ZFHX3: variants seen among roughly 807,000 people sequenced by gnomAD.
The protein encoded by ZFHX3 is zinc finger homeobox protein 3.
ZFHX3 carries 42 observed loss-of-function variants against 279.1 expected under a neutral mutation model. The ratio of observed to expected loss-of-function variants is 0.15; its 90% confidence interval spans 0.12 to 0.19. The LOEUF is 0.19. Ranked by LOEUF, ZFHX3 falls within the 10% of genes least tolerant of loss-of-function variation. ZFHX3 has a pLI of 1.00. For missense variants in ZFHX3, 4,981 were observed against 4,754.0 expected, an observed-to-expected ratio of 1.05 and a Z score of -1.40; for synonymous variants, 2,293 against 1,957.8, an observed-to-expected ratio of 1.17 and a Z score of -4.52.
chr16:73,728,812 T>TACACACAC (rs3049676), intron 1 of ZFHX3, among the ~76,000 whole-genome samples: 50 of 146,040 alleles, frequency 3.4e-4, no homozygotes, highest in African/African-American at 1.2e-3. Flanking sequence ...AATAACCCCC[T>TACACACAC]ACACACACAC....
chr16:72,976,051 A>T (rs557551736), intron 1 of ZFHX3, among the ~76,000 whole-genome samples: 3 of 152,306 alleles, frequency 2.0e-5, no homozygotes, highest in Admixed American at 6.5e-5. Context: ...AATGTGATCA[A>T]TGTAGATCAA....
rs551095801 is a variant in ZFHX3 at position 73,441,234 on chromosome 16, C to T, written c.-1291+14769G>A. On this transcript the variant is annotated intron_variant, in intron 3 of 17. Transcript: ENST00000641206. ...CCACTGCTTACAAATGGACTATGAG[C>T]CCCTTAGAGAGAGGGAGAGAGAGAT... Among the ~76,000 whole-genome samples the T allele has an allele frequency of 2.4e-4, 37 of 152,012 alleles. 1 individual carries two copies. The South Asian group carries it at 6.3e-3, about 26-fold the overall frequency.
At chr16:73,010,240 C>G (rs1010905325) in intron 1 of ZFHX3, among the ~76,000 whole-genome samples, 1 of 152,068 alleles carries the variant, frequency 6.6e-6, no homozygotes, top group Admixed American at 6.6e-5. Context: ...CACAGAATGC[C>G]CAGCTGTGGG....
chr16:72,817,521 G>T (rs921104404), intron 5 of ZFHX3, among the ~76,000 whole-genome samples: 15 of 152,218 alleles, frequency 9.9e-5, no homozygotes, highest in African/African-American at 3.6e-4. Flanking sequence ...CAACATACTG[G>T]TAGAATTAGT....
At chr16:72,919,777 CTTTTTTTT>C (rs532405250) in intron 3 of ZFHX3, among the ~76,000 whole-genome samples, 81 of 42,266 alleles carry the variant, frequency 1.9e-3, no homozygotes, top group East Asian at 0.014. Flanking sequence ...TATGCACCAT[CTTTTTTTT>C]TTTTTTTTTT....
intron 5 of ZFHX3, among the ~76,000 whole-genome samples, chr16:73,178,548 C>T (rs1967717755): frequency 6.6e-6 from 1 of 152,190 alleles, no homozygotes; most frequent in Non-Finnish European, 1.5e-5. Flanking sequence ...TTGTCTATGG[C>T]ATGATTCCCC....
At chr16:72,801,135 T>A (rs550584713) in intron 7 of ZFHX3, among the ~76,000 whole-genome samples, 1 of 152,294 alleles carries the variant, frequency 6.6e-6, no homozygotes, top group African/African-American at 2.4e-5. Flanking sequence ...TAGGTGGCGA[T>A]GATATTTCAA....
intron 2 of ZFHX3, among the ~76,000 whole-genome samples, chr16:73,469,905 T>G (rs1426271795): frequency 1.3e-5 from 2 of 152,142 alleles, no homozygotes; most frequent in East Asian, 3.9e-4. Flanking sequence ...CATAAGCCAC[T>G]GTGCCCAGCC....
chr16:72,787,030 CTTTTT>C lies in ZFHX3; in HGVS notation c.*129_*133del, dbSNP rs949021905. 40 of 967,808 alleles carry C rather than the reference CTTTTT, an allele frequency of 4.1e-5. No homozygotes were observed. The highest frequency in any genetic ancestry group is 4.6e-5 in the Non-Finnish European group (35 of 763,888). The allele number at this position is 967,808 out of a possible 1,614,324, so 60.0% of individuals were successfully genotyped here. On this transcript the variant is annotated 3_prime_UTR_variant, in exon 10 of 10. Transcript: ENST00000268489. ...TATGGGAAAACAACCCACGCTTTTT[CTTTTT>C]TTTCTTTTTTTTTTTTTTTTTGTTT...
intron 7 of ZFHX3, among the ~76,000 whole-genome samples, chr16:73,094,866 T>A (rs1029111180): frequency 6.6e-6 from 1 of 152,062 alleles, no homozygotes; most frequent in Admixed American, 6.6e-5. Context: ...TACACCGTCA[T>A]GTCCGGCTAA....
In ZFHX3 at chr16:73,635,953, C is replaced by A. The variant is rs143180309; in HGVS notation, c.-1547+44227G>T. The stretch of plus-strand genomic sequence containing the variant: ...TTCAGGCCTTAGTGTGTATGGCACA[C>A]AATCTGTTGTTGATAGGGTTAGTCA... On this transcript the variant is annotated intron_variant, in intron 2 of 17. Transcript: ENST00000641206. Among the ~76,000 whole-genome samples the A allele has an allele frequency of 2.1e-3, 322 of 152,288 alleles. 1 individual carries two copies. Among genetic ancestry groups the A allele is most frequent in the Non-Finnish European group, 3.4e-3 (234 of 68,030 alleles).
chr16:73,787,849 G>A (rs1274541112), intron 1 of ZFHX3, among the ~76,000 whole-genome samples: 22 of 149,650 alleles, frequency 1.5e-4, no homozygotes, highest in African/African-American at 5.3e-4. Flanking sequence ...GTGTGTGTGT[G>A]TGTGAAAGAG....
chr16:73,659,612 T>C (rs944011827), intron 2 of ZFHX3, among the ~76,000 whole-genome samples: 5 of 152,034 alleles, frequency 3.3e-5, no homozygotes, highest in Admixed American at 2.0e-4. Context: ...TCCCCTGAAA[T>C]AGAAATACAG....
At chr16:73,861,247 G>A (rs201666206) in intron 1 of ZFHX3, among the ~76,000 whole-genome samples, 7 of 152,130 alleles carry the variant, frequency 4.6e-5, no homozygotes, top group African/African-American at 7.2e-5. Flanking sequence ...TCACAGGCAT[G>A]AGCCACCAAG....
At chr16:73,028,136 G>A (rs1239987674) in intron 1 of ZFHX3, among the ~76,000 whole-genome samples, 2 of 151,990 alleles carry the variant, frequency 1.3e-5, no homozygotes, top group African/African-American at 4.8e-5. Flanking sequence ...CCTTTTTTTG[G>A]GGGAGTGTGG....
At chr16:73,357,342 T>TGA (rs894283150) in intron 3 of ZFHX3, among the ~76,000 whole-genome samples, 2 of 149,848 alleles carry the variant, frequency 1.3e-5, no homozygotes, top group Non-Finnish European at 1.5e-5. Flanking sequence ...TAACAAAAAT[T>TGA]GAGAGAGAGA....
chr16:72,798,096 T>G lies in ZFHX3; in HGVS notation c.4586A>C (p.Lys1529Thr). 6.2e-7 allele frequency: 1 copy of G among 1,614,224 alleles called. No homozygotes were observed. The highest frequency in any genetic ancestry group is 1.1e-5 in the South Asian group (1 of 91,088). ...CTTTTCCATAGTAAAATTGGGACCT[T>G]TTCTGAAAGGCAGAGCTCTCTTTGG... The part of the protein sequence containing the change: ...SEPKRALPFR[K>T]GPNFTMEKFL... The change falls in exon 9 of 10, where the codon AAA (lysine) becomes ACA (threonine). Residue 1529 changes from lysine to threonine, a missense_variant. Physicochemically the swap from Lys to Thr is moderately conservative, Grantham distance 78. Around this residue, in one of 7 missense-constraint regions of ZFHX3, gnomAD observed 1,751 missense variants for 1,770.0 expected, o/e 0.99. Transcript: ENST00000268489.
chr16:72,906,538 A>G (rs185087339), intron 3 of ZFHX3, among the ~76,000 whole-genome samples: 1 of 152,152 alleles, frequency 6.6e-6, no homozygotes, highest in Non-Finnish European at 1.5e-5. Flanking sequence ...GCTCACACCT[A>G]TAAATCCCAG....
intron 4 of ZFHX3, among the ~76,000 whole-genome samples, chr16:72,841,255 T>A (rs1448920248): frequency 6.6e-6 from 1 of 152,184 alleles, no homozygotes; most frequent in African/African-American, 2.4e-5. Context: ...CAAGCATGCA[T>A]CAGTTTGAAA....
Sources: gnomAD v4.1 joint callset for allele counts (sites outside exome capture counted in the v4.1 genomes callset) on GRCh38, gnomAD v4.1.1 for gene constraint, gnomAD v4.1.1 regional missense constraint, MANE v1.5 for transcripts, NCBI Gene and HGNC (gene_info 2026-07-23, HGNC 2026-07-21) for gene names.